The following TMEM132B variants were observed in gnomAD, a reference collection of about 807,000 sequenced individuals.
TMEM132B encodes the protein transmembrane protein 132B.
Under a neutral mutation model 90.8 loss-of-function variants are expected in TMEM132B, and 18 were observed. The observed-to-expected ratio is 0.20, with a 90% CI of 0.14 to 0.29. TMEM132B has a LOEUF of 0.29. Among genes scored for constraint, TMEM132B ranks in the 10% least tolerant of loss-of-function variants. The probability of loss-of-function intolerance (pLI) is 1.00; values close to 1 mark genes in which losing one functional copy is unlikely to be tolerated. For synonymous variants in TMEM132B, 504 were observed against 523.3 expected (o/e 0.96, Z 0.50); for missense variants, 1,096 against 1,326.8 (o/e 0.83, Z 2.70).
chr12:125,415,763 G>C lies in TMEM132B; in HGVS notation c.1106+86G>C, dbSNP rs1879994135. The C allele has an allele frequency of 2.7e-6, 4 of 1,500,314 alleles. No homozygotes were observed. Among genetic ancestry groups the C allele is most frequent in the Non-Finnish European group, 3.6e-6 (4 of 1,116,546 alleles). 92.9% of individuals were successfully genotyped at this position (1,500,314 alleles called of 1,614,324 possible). A position where few individuals can be genotyped will look rare whatever the true frequency, so the allele number is the denominator to read the frequency against. On this transcript the variant is annotated intron_variant, in intron 3 of 8. Coordinates refer to ENST00000682704, the MANE Select transcript of TMEM132B (RefSeq NM_001366854.1). The surrounding 1 kb of genome is among the most constrained non-coding windows in gnomAD (Gnocchi z 5.3). ...CTGATAGCAAAATAATGTGCGTGTG[G>C]ATAAAGCGATGCCTCTGCGTTTAAT...
intron 3 of TMEM132B, among the ~76,000 whole-genome samples, chr12:125,496,916 T>C (rs772799302): frequency 1.3e-5 from 2 of 152,264 alleles, no homozygotes; most frequent in South Asian, 2.1e-4. Flanking sequence ...ATTCTAGTCA[T>C]GCCTCCCTCA....
chr12:125,435,889 C>T (rs561326133), intron 3 of TMEM132B, among the ~76,000 whole-genome samples: 14 of 151,496 alleles, frequency 9.2e-5, no homozygotes, highest in African/African-American at 3.4e-4. Context: ...AGCAGGGAGG[C>T]CTGTGGAGCT....
chr12:125,472,535 C>CTG (rs1566046558), intron 3 of TMEM132B, among the ~76,000 whole-genome samples: 1 of 152,140 alleles, frequency 6.6e-6, no homozygotes, highest in Non-Finnish European at 1.5e-5. Context: ...GAAGGACCTG[C>CTG]TGCTCTATGA....
intron 2 of TMEM132B, among the ~76,000 whole-genome samples, chr12:125,389,396 C>T (rs1878944186): frequency 8.2e-6 from 1 of 121,962 alleles, no homozygotes; most frequent in East Asian, 2.8e-4. Context: ...CTTTGCTTTT[C>T]TCCCTTCCTT....
At chr12:125,218,733 T>A (rs4765230) in intron 1 of TMEM132B, among the ~76,000 whole-genome samples, 135,801 of 149,764 alleles carry the variant, frequency 0.91, 61,921 homozygotes, top group East Asian at 1. Flanking sequence ...TTGGGATGGG[T>A]AGGAGAGAGG....
At chr12:125,638,067 C>G (rs962151521) in intron 5 of TMEM132B, among the ~76,000 whole-genome samples, 6 of 152,154 alleles carry the variant, frequency 3.9e-5, no homozygotes, top group Non-Finnish European at 2.9e-5. Flanking sequence ...CCCAATCGGC[C>G]TGTGGTCCTC....
At chr12:125,605,834 TG>T (rs1383511504) in intron 5 of TMEM132B, among the ~76,000 whole-genome samples, 5 of 152,134 alleles carry the variant, frequency 3.3e-5, no homozygotes, top group African/African-American at 9.7e-5. Flanking sequence ...GCCGACTGAC[TG>T]AAGAAGATGA....
chr12:125,552,405 A>G (rs1884251915), intron 4 of TMEM132B, among the ~76,000 whole-genome samples: 1 of 152,190 alleles, frequency 6.6e-6, no homozygotes, highest in Admixed American at 6.5e-5. Context: ...GAGGCATTGG[A>G]AGGGCAGGAG....
At position 125,612,212 on chromosome 12, in the gene TMEM132B, A is replaced by C. The variant is rs58239008; in HGVS notation, c.1437+28218A>C. On this transcript the variant is annotated intron_variant, in intron 5 of 8. Coordinates refer to ENST00000682704, the MANE Select transcript of TMEM132B (RefSeq NM_001366854.1). ...CCAATAAGGCCAGGCACGGTGGCTC[A>C]CGCCTATAATCCCAGCACTTTGGGA... Among the ~76,000 whole-genome samples, 952 of 152,254 alleles carry C rather than the reference A, an allele frequency of 6.3e-3. 6 individuals carry two copies. The highest frequency in any genetic ancestry group is 0.022 in the African/African-American group (909 of 41,536).
chr12:125,540,087 A>C (rs569738472), intron 4 of TMEM132B, among the ~76,000 whole-genome samples: 7 of 152,186 alleles, frequency 4.6e-5, no homozygotes, highest in Non-Finnish European at 1.0e-4. Flanking sequence ...GGTTTTAGAA[A>C]TGTGTTACAG....
chr12:125,487,485 G>A (rs1371814587), intron 3 of TMEM132B, among the ~76,000 whole-genome samples: 1 of 152,212 alleles, frequency 6.6e-6, no homozygotes, highest in African/African-American at 2.4e-5. Context: ...ACAAGTCCAA[G>A]TAGTAATCAG....
At chr12:125,269,621 A>G (rs534135659) in intron 1 of TMEM132B, among the ~76,000 whole-genome samples, 2 of 152,122 alleles carry the variant, frequency 1.3e-5, no homozygotes, top group African/African-American at 2.4e-5. Flanking sequence ...GTGTCCGGGG[A>G]TCATCCTGTC....
Position 125,526,975 on chromosome 12 carries a change from C to T in TMEM132B, c.1293+7350C>T, listed in dbSNP as rs559924878. Reference sequence around the variant, plus strand: ...CCTTCTATCCACCCATTTACCCTTCCAACCACCCATCCACCCTTCTATCCA... The same window carrying T: ...CCTTCTATCCACCCATTTACCCTTCTAACCACCCATCCACCCTTCTATCCA... On this transcript the variant is annotated intron_variant, in intron 4 of 8. Coordinates refer to ENST00000682704, the MANE Select transcript of TMEM132B (RefSeq NM_001366854.1). Among the ~76,000 whole-genome samples the T allele has an allele frequency of 4.7e-4, 70 of 149,902 alleles. No individual in the cohort carries two copies. In the South Asian group the frequency reaches 6.1e-3, roughly 13 times the overall value.
intron 3 of TMEM132B, among the ~76,000 whole-genome samples, chr12:125,438,870 G>T (rs1189138302): frequency 6.6e-6 from 1 of 152,192 alleles, no homozygotes; most frequent in Non-Finnish European, 1.5e-5. Flanking sequence ...CATTTCCCAA[G>T]TTAATCCCTA....
chr12:125,557,088 G>A (rs573664038), intron 4 of TMEM132B, among the ~76,000 whole-genome samples: 1 of 152,086 alleles, frequency 6.6e-6, no homozygotes, highest in Non-Finnish European at 1.5e-5. Context: ...ACAGCACTTT[G>A]TTATCATATA....
chr12:125,454,392 T>TGTTTGTGTG (rs1555250638), intron 3 of TMEM132B, among the ~76,000 whole-genome samples: 191 of 112,068 alleles, frequency 1.7e-3, no homozygotes, highest in African/African-American at 5.4e-3. Context: ...GTGTGTGTGT[T>TGTTTGTGTG]TGTGTGTGTG....
Position 125,519,451 on chromosome 12 carries a change from C to T in TMEM132B, c.1119C>T (p.Ser373=). The T allele has an allele frequency of 6.2e-7, 1 of 1,610,654 alleles. No homozygotes were observed. The highest frequency in any genetic ancestry group is 8.5e-7 in the Non-Finnish European group (1 of 1,178,100). ...GTTTGTTTTCCAGGGTAAATGGATC[C>T]TTCTATGAGATCTTGCAAGTGGACT... The part of the protein sequence containing the change: ...RPDTQSRVNG[S]FYEILQVDFG... The change falls in exon 4 of 9, where the codon TCC becomes TCT. Residue 373 remains serine, a synonymous_variant. Transcript: ENST00000682704.
chr12:125,264,156 G>A (rs370968440), intron 1 of TMEM132B, among the ~76,000 whole-genome samples: 8 of 152,112 alleles, frequency 5.3e-5, no homozygotes, highest in South Asian at 2.1e-4. Context: ...CCCTTCCTCC[G>A]TCTTGAAAGC....
rs991089945 is a variant in TMEM132B at position 125,402,069 on chromosome 12, G to T, written c.960-13462G>T. On this transcript the variant is annotated intron_variant, in intron 2 of 8. Transcript: ENST00000682704. The stretch of plus-strand genomic sequence containing the variant: ...ATCCGTTTAGCGGAAATATTTGAGG[G>T]CTTCTCCAGTTTCCCCAAGAGCTTC... Among the ~76,000 whole-genome samples the T allele has an allele frequency of 5.3e-5, 8 of 152,166 alleles. No individual in the cohort carries two copies. The East Asian group carries it at 1.5e-3, about 29-fold the overall frequency.
Sources: allele counts gnomAD v4.1 joint callset (sites outside exome capture counted in the v4.1 genomes callset), GRCh38; gene constraint gnomAD v4.1.1; non-coding constraint Gnocchi (gnomAD v3.1); transcripts MANE v1.5; gene names NCBI Gene and HGNC (gene_info 2026-07-23, HGNC 2026-07-21).